Variants in CES5A observed in about 807,000 individuals in gnomAD.
The protein encoded by CES5A is carboxylesterase 5.
In CES5A, 67 loss-of-function variants were observed where a neutral mutation model predicts 62.9. The ratio of observed to expected loss-of-function variants is 1.07; its 90% CI spans 0.88 to 1.31. The LOEUF is 1.31. Among genes scored for constraint, CES5A ranks in the 50% most tolerant of loss-of-function variants. CES5A has a pLI of 0.00. For missense variants in CES5A, 748 were observed against 708.5 expected (o/e 1.06, Z -0.63); for synonymous variants, 296 against 280.8 (o/e 1.05, Z -0.54).
chr16:55,936,567 T>A (rs2034377973), intron 2 of CES5A, among the ~76,000 whole-genome samples: 1 of 152,174 alleles, frequency 6.6e-6, no homozygotes, highest in Admixed American at 6.5e-5. Context: ...CAGTTCTTAG[T>A]CCAATCTTTT....
At chr16:55,902,509 G>T (rs749172608) in intron 1 of CES5A, among the ~76,000 whole-genome samples, 3 of 152,178 alleles carry the variant, frequency 2.0e-5, no homozygotes, top group Admixed American at 2.0e-4. Context: ...GGACCTGCCC[G>T]TGGGAGGGAT....
At chr16:55,886,971 C>A (rs867451181) in intron 1 of CES5A, among the ~76,000 whole-genome samples, 9 of 152,088 alleles carry the variant, frequency 5.9e-5, no homozygotes, top group Middle Eastern at 3.2e-3. Flanking sequence ...TATGCTGCAT[C>A]CACTGGAAAC....
At chr16:55,892,766 T>C (rs945298396) in intron 1 of CES5A, among the ~76,000 whole-genome samples, 3 of 151,166 alleles carry the variant, frequency 2.0e-5, no homozygotes, top group Admixed American at 6.6e-5. Flanking sequence ...TATATATATA[T>C]AAAGCTATCA....
At chr16:55,910,214 T>C (rs1178505114) in intron 1 of CES5A, among the ~76,000 whole-genome samples, 1 of 152,180 alleles carries the variant, frequency 6.6e-6, no homozygotes, top group South Asian at 2.1e-4. Context: ...CCCACTCTTC[T>C]AAGTGCACCA....
chr16:55,924,726 T>C (rs1456912784), intron 1 of CES5A, among the ~76,000 whole-genome samples: 1 of 151,872 alleles, frequency 6.6e-6, no homozygotes, highest in African/African-American at 2.4e-5. Context: ...AATAGACACA[T>C]AGACCAATGA....
chr16:55,936,932 G>T (rs1171210494), intron 2 of CES5A, among the ~76,000 whole-genome samples: 1 of 152,040 alleles, frequency 6.6e-6, no homozygotes, highest in Non-Finnish European at 1.5e-5. Context: ...TCTGGTGAGG[G>T]AGCATTATAA....
intron 1 of CES5A, among the ~76,000 whole-genome samples, chr16:55,909,073 G>A (rs1250190649): frequency 1.3e-5 from 2 of 152,240 alleles, no homozygotes; most frequent in Non-Finnish European, 2.9e-5. Flanking sequence ...GGAGAGAAGT[G>A]ATGGGATTTG....
chr16:55,875,309 A>C lies in CES5A; in HGVS notation c.-88T>G. 1.3e-6 allele frequency: 2 copies of C among 1,566,768 alleles called. No homozygotes were observed. Among genetic ancestry groups the C allele is most frequent in the Non-Finnish European group, 1.7e-6 (2 of 1,159,728 alleles). On this transcript the variant is annotated 5_prime_UTR_variant, in exon 1 of 13. It introduces an in-frame stop codon into an upstream open reading frame of the 5' UTR. Coordinates refer to ENST00000290567, the MANE Select transcript of CES5A (RefSeq NM_001143685.2). ...TGGGAGCCAGAAAGAGCTTCCTGTTAACAGGCAAATGCTGAATAGGCAGGC... is the reference window on the plus strand; with the variant it reads ...TGGGAGCCAGAAAGAGCTTCCTGTTCACAGGCAAATGCTGAATAGGCAGGC...
At chr16:55,869,541 G>A in intron 4 of CES5A, 70 bp downstream of exon 4, 1 of 1,525,572 alleles carries the variant, frequency 6.6e-7, no homozygotes, top group Non-Finnish European at 8.8e-7. Context: ...TAGGTTGCTG[G>A]GCACTGTCTA....
intron 1 of CES5A, among the ~76,000 whole-genome samples, chr16:55,950,716 A>AT (rs1349408823): frequency 1.3e-5 from 2 of 152,090 alleles, no homozygotes; most frequent in African/African-American, 4.8e-5. Context: ...AGAAAAAAAA[A>AT]CCCAAAAAAC....
intron 1 of CES5A, among the ~76,000 whole-genome samples, chr16:55,883,883 A>T (rs142335712): frequency 6.8e-4 from 103 of 152,306 alleles, no homozygotes; most frequent in African/African-American, 2.1e-3. Flanking sequence ...TGACACAGTG[A>T]GCCCACTGTA....
intron 2 of CES5A, among the ~76,000 whole-genome samples, chr16:55,946,533 C>T (rs1354979525): frequency 2.6e-5 from 4 of 152,348 alleles, no homozygotes; most frequent in Non-Finnish European, 2.9e-5. Context: ...CTCTCAGTTC[C>T]TATGAGCAGC....
At chr16:55,900,111 C>T (rs2033975761) in intron 1 of CES5A, among the ~76,000 whole-genome samples, 2 of 152,128 alleles carry the variant, frequency 1.3e-5, no homozygotes, top group African/African-American at 4.8e-5. Context: ...TCCCTAGGGA[C>T]CCTCTCTGTC....
chr16:55,922,456 T>C (rs1175816036), intron 1 of CES5A, among the ~76,000 whole-genome samples: 2 of 151,944 alleles, frequency 1.3e-5, no homozygotes, highest in Admixed American at 6.6e-5. Flanking sequence ...AAAAGGCCAC[T>C]ACGTAATGAT....
At chr16:55,911,309 T>C (rs1415279973) in intron 1 of CES5A, among the ~76,000 whole-genome samples, 1 of 152,062 alleles carries the variant, frequency 6.6e-6, no homozygotes, top group East Asian at 1.9e-4. Context: ...GCTGCCCCCA[T>C]CCCTTCCTTT....
intron 1 of CES5A, among the ~76,000 whole-genome samples, chr16:55,889,829 C>G (rs2033857199): frequency 6.6e-6 from 1 of 152,170 alleles, no homozygotes; most frequent in South Asian, 2.1e-4. Flanking sequence ...AGCCATCAGT[C>G]ATCTCATTAG....
Position 55,852,939 on chromosome 16 carries a change from G to A in CES5A, c.1215C>T (p.Asp405=). ...SLTEIRDSLL[D]LLGDVFFVVP... ...CCACAAAGAACACATCTCCAAGCAA[G>A]TCCAGAAGACTGTCTCGGATTTCAG... The change falls in exon 10 of 13, where the codon GAC becomes GAT. Residue 405 remains aspartate, a synonymous_variant. Coordinates refer to ENST00000290567, the MANE Select transcript of CES5A (RefSeq NM_001143685.2). 1 of 1,614,168 alleles carries A rather than the reference G, an allele frequency of 6.2e-7. No individual in the cohort carries two copies. Among genetic ancestry groups the A allele is most frequent in the Non-Finnish European group, 8.5e-7 (1 of 1,180,024 alleles).
At chr16:55,948,454 G>A (rs1414690067) in intron 2 of CES5A, among the ~76,000 whole-genome samples, 1 of 152,144 alleles carries the variant, frequency 6.6e-6, no homozygotes, top group African/African-American at 2.4e-5. Flanking sequence ...ATTCATCTCG[G>A]GGTAGGCGGT....
At chr16:55,907,247 G>A (rs1421045903) in intron 1 of CES5A, among the ~76,000 whole-genome samples, 1 of 152,212 alleles carries the variant, frequency 6.6e-6, no homozygotes, top group Admixed American at 6.5e-5. Flanking sequence ...CCAGCAGACA[G>A]AAGGGCACTG....
Sources: allele counts gnomAD v4.1 joint callset (sites outside exome capture counted in the v4.1 genomes callset), GRCh38; gene constraint gnomAD v4.1.1; transcripts MANE v1.5; gene names NCBI Gene and HGNC (gene_info 2026-07-23, HGNC 2026-07-21).